The following PIK3C2B variants were observed in gnomAD, a reference collection of about 807,000 sequenced individuals.
PIK3C2B encodes the protein phosphatidylinositol-4-phosphate 3-kinase catalytic subunit type 2 beta, also known as phosphatidylinositol 4-phosphate 3-kinase C2 domain-containing subunit beta.
Under a neutral mutation model 184.3 loss-of-function variants are expected in PIK3C2B, and 83 were observed. The ratio of observed to expected loss-of-function variants is 0.45; its 90% CI spans 0.38 to 0.54. The LOEUF (loss-of-function observed/expected upper bound fraction) is 0.54, where lower values mean the gene tolerates loss of function less well. Ranked by LOEUF, PIK3C2B falls within the 20% of genes least tolerant of loss-of-function variation. The pLI, the probability that PIK3C2B is intolerant of heterozygous loss-of-function variation, is 0.00. For synonymous variants in PIK3C2B, 779 were observed against 837.6 expected (o/e 0.93, Z 1.21); for missense variants, 1,736 against 2,113.5 (o/e 0.82, Z 3.50).
intron 16 of PIK3C2B, among the ~76,000 whole-genome samples, chr1:204,445,076 G>T (rs1325952543): frequency 6.6e-6 from 1 of 152,030 alleles, no homozygotes; most frequent in Non-Finnish European, 1.5e-5. Context: ...GAGAAAGAGG[G>T]AATGGGCAAT....
At position 204,457,439 on chromosome 1, in the gene PIK3C2B, T is replaced by C. The variant is rs61762600; in HGVS notation, c.1713+289A>G. 5.0e-3 allele frequency among the ~76,000 whole-genome samples: 766 copies of C among 152,298 alleles called. 11 individuals are homozygous for C. Among genetic ancestry groups the C allele is most frequent in the African/African-American group, 0.018 (742 of 41,548 alleles). Reference sequence around the variant, plus strand: ...TGGTTTGTTTTTGCACCCTGATGGATATGCAGACTGTCAGGCAATGCCTTG... The same window carrying C: ...TGGTTTGTTTTTGCACCCTGATGGACATGCAGACTGTCAGGCAATGCCTTG... On this transcript the variant is annotated intron_variant, in intron 9 of 32. Transcript: ENST00000684373.
intron 1 of PIK3C2B, among the ~76,000 whole-genome samples, chr1:204,492,091 C>A (rs1283809549): frequency 6.6e-6 from 1 of 152,124 alleles, no homozygotes; most frequent in African/African-American, 2.4e-5. Context: ...GCCCTCAGAT[C>A]CCACCCTATC....
chr1:204,425,608 C>G lies in PIK3C2B; in HGVS notation c.4716+5G>C. The G allele has an allele frequency of 6.2e-7, 1 of 1,613,990 alleles. No individual in the cohort carries two copies. Among genetic ancestry groups the G allele is most frequent in the East Asian group, 2.2e-5 (1 of 44,882 alleles). ...CTGCCCTACCCCACCATTTTCCCCA[C>G]CCACCATCTCATTGTAGGTAGGATT... On this transcript the variant is annotated splice_donor_5th_base_variant and intron_variant, in intron 32 of 32. Coordinates refer to ENST00000684373, the MANE Select transcript of PIK3C2B (RefSeq NM_001377334.1).
rs1195295891 is a variant in PIK3C2B at position 204,423,943 on chromosome 1, T to TATA, written c.*908_*909insTAT. On this transcript the variant is annotated 3_prime_UTR_variant, in exon 33 of 33. Transcript: ENST00000684373. ...AGAGACAAATGAAGGGAGAGACCTA[T>TATA]GGGGAAGCACCCCCAGCATATTCAT... The TATA allele has an allele frequency of 2.0e-5, 3 of 152,656 alleles. No homozygotes were observed. Among genetic ancestry groups the TATA allele is most frequent in the African/African-American group, 7.2e-5 (3 of 41,494 alleles). 9.5% of individuals were successfully genotyped at this position (152,656 alleles called of 1,614,324 possible).
At chr1:204,479,603 G>A (rs1293102760) in intron 1 of PIK3C2B, among the ~76,000 whole-genome samples, 3 of 152,228 alleles carry the variant, frequency 2.0e-5, no homozygotes, top group Admixed American at 6.5e-5. Context: ...CACAGAAAAT[G>A]GGTGGAGTTA....
intron 21 of PIK3C2B, 67 bp downstream of exon 21, chr1:204,441,404 T>C (rs79390725): frequency 0.015 from 15,093 of 977,434 alleles, 500 homozygotes; most frequent in Admixed American, 0.079. Context: ...GGCTACTTAA[T>C]GCCACTCTAG....
At position 204,447,599 on chromosome 1, in the gene PIK3C2B, T is replaced by G; in HGVS notation, c.2347-21A>C. The G allele has an allele frequency of 6.3e-7, 1 of 1,590,822 alleles. No individual in the cohort carries two copies. Among genetic ancestry groups the G allele is most frequent in the Non-Finnish European group, 8.6e-7 (1 of 1,168,414 alleles). On this transcript the variant is annotated intron_variant, in intron 14 of 32. Coordinates refer to ENST00000684373, the MANE Select transcript of PIK3C2B (RefSeq NM_001377334.1). The surrounding 1 kb of genome is among the most constrained non-coding windows in gnomAD (Gnocchi z 4.1). ...TCAATCTGGGGGATGAGATCAGGGA[T>G]GTGAGGAGAGAAAACAGGCAGCGTG...
Position 204,433,644 on chromosome 1 carries a change from G to A in PIK3C2B, c.3843+149C>T, listed in dbSNP as rs1358912854. 2.5e-6 allele frequency: 2 copies of A among 816,038 alleles called. No individual in the cohort carries two copies. Among genetic ancestry groups the A allele is most frequent in the Non-Finnish European group, 4.0e-6 (2 of 494,294 alleles). 50.5% of individuals were successfully genotyped at this position (816,038 alleles called of 1,614,324 possible). ...GACATCATTGTCCTCAGGTAGTCTG[G>A]GTCCCTGCCTTTATCTAGGGCAGGC... On this transcript the variant is annotated intron_variant, in intron 25 of 32. Transcript: ENST00000684373. This position sits in a 1 kb window ranked among gnomAD's most constrained non-coding sequence, Gnocchi z 5.0.
rs1558257293 is a variant in PIK3C2B, at chr1:204,456,908, C to CACACA, written c.1747+128_1747+129insTGTGT. The CACACA allele has an allele frequency of 7.3e-4, 157 of 214,992 alleles. 4 individuals carry two copies. In the East Asian group the frequency reaches 8.8e-3, roughly 12 times the overall value. 13.3% of individuals were successfully genotyped at this position (214,992 alleles called of 1,614,324 possible). A position where few individuals can be genotyped will look rare whatever the true frequency, so the allele number is the denominator to read the frequency against. On this transcript the variant is annotated intron_variant, in intron 10 of 32. Transcript: ENST00000684373. ...CACACACACACACACACACACACAC[C>CACACA]CACACACACACACACACCAGCCGAA... is the stretch of plus-strand genomic sequence containing the variant.
At chr1:204,431,920 A>G in intron 27 of PIK3C2B, 127 bp from the exon 28 acceptor site, 1 of 1,045,308 alleles carries the variant, frequency 9.6e-7, no homozygotes, top group South Asian at 1.3e-5. Flanking sequence ...AGAGAGCAAG[A>G]GTGGAGACAG....
chr1:204,460,180 ATCT>A, intron 7 of PIK3C2B, 141 bp downstream of exon 7: 1 of 701,618 alleles, frequency 1.4e-6, no homozygotes, highest in South Asian at 1.8e-5. Context: ...TGGAGTGGGG[ATCT>A]TCTCTGATAA....
chr1:204,441,188 G>A (rs1675639889), intron 21 of PIK3C2B, among the ~76,000 whole-genome samples: 1 of 152,146 alleles, frequency 6.6e-6, no homozygotes, highest in South Asian at 2.1e-4. Context: ...AGGGACAAGC[G>A]GATCACCACC....
intron 1 of PIK3C2B, among the ~76,000 whole-genome samples, chr1:204,485,598 G>C (rs1445115997): frequency 2.1e-5 from 3 of 145,032 alleles, no homozygotes; most frequent in African/African-American, 7.6e-5. Context: ...TTTTGAGACA[G>C]GGTCTTGCTC....
chr1:204,459,890 G>A lies in PIK3C2B; in HGVS notation c.1554C>T (p.Phe518=), dbSNP rs1453868958. The A allele has an allele frequency of 1.8e-5, 29 of 1,613,552 alleles. No individual in the cohort carries two copies. The highest frequency in any genetic ancestry group is 2.2e-5 in the Non-Finnish European group (26 of 1,179,894). ...GATTCGTACTCACATCAGCCAGCAG[G>A]AAGGCATCCACCTCATTGTGGTAAG... ...FDTYHNEVDA[F]LLADGDFPLK... The change falls in exon 8 of 33, where the codon TTC becomes TTT. Residue 518 remains phenylalanine, a synonymous_variant. Coordinates refer to ENST00000684373, the MANE Select transcript of PIK3C2B (RefSeq NM_001377334.1).
Position 204,447,414 on chromosome 1 carries a change from T to A in PIK3C2B, c.2489+22A>T. ...GGAGGTCAGATGAAACATGACAGAT[T>A]CAGTGGGGGCCCGGGTCTCACCAGT... On this transcript the variant is annotated intron_variant, in intron 15 of 32. Transcript: ENST00000684373. This position sits in a 1 kb window ranked among gnomAD's most constrained non-coding sequence, Gnocchi z 4.1. 1 of 1,606,158 alleles carries A rather than the reference T, an allele frequency of 6.2e-7. No homozygotes were observed. Among genetic ancestry groups the A allele is most frequent in the East Asian group, 2.2e-5 (1 of 44,700 alleles).
intron 1 of PIK3C2B, among the ~76,000 whole-genome samples, chr1:204,479,820 T>C (rs1215593771): frequency 2.0e-5 from 3 of 152,154 alleles, no homozygotes; most frequent in African/African-American, 7.2e-5. Context: ...CCTGTGTGGG[T>C]GGGGAAAACT....
intron 27 of PIK3C2B, 42 bp downstream of exon 27, chr1:204,432,158 G>A: frequency 6.4e-7 from 1 of 1,562,056 alleles, no homozygotes; most frequent in Non-Finnish European, 8.8e-7. Context: ...GCCAGGGTCA[G>A]CAGAGAGCAG....
intron 13 of PIK3C2B, 88 bp downstream of exon 13, chr1:204,449,762 G>A (rs1371043723): frequency 2.6e-5 from 32 of 1,251,254 alleles, no homozygotes; most frequent in Admixed American, 2.5e-4. Context: ...CTCCCAAGGC[G>A]CACTGGCCAG....
At chr1:204,485,543 TC>T (rs1416427849) in intron 1 of PIK3C2B, among the ~76,000 whole-genome samples, 1 of 151,548 alleles carries the variant, frequency 6.6e-6, no homozygotes, top group Non-Finnish European at 1.5e-5. Flanking sequence ...AGGATAATCT[TC>T]CTACAGGGCA....
Sources: allele counts gnomAD v4.1 joint callset (sites outside exome capture counted in the v4.1 genomes callset), GRCh38; gene constraint gnomAD v4.1.1; non-coding constraint Gnocchi (gnomAD v3.1); transcripts MANE v1.5; gene names NCBI Gene and HGNC (gene_info 2026-07-23, HGNC 2026-07-21).